ARHGEF7: variants seen among roughly 807,000 people sequenced by gnomAD.
ARHGEF7 encodes the protein PAK-interacting exchange factor beta.
A neutral mutation model predicts 109.8 loss-of-function variants in ARHGEF7; 33 were observed. That is an observed-to-expected ratio of 0.30 (90% CI 0.23 to 0.40). The LOEUF is 0.40. ARHGEF7 is among the 10% of genes least tolerant of loss of function. The probability of loss-of-function intolerance (pLI) is 1.00; values close to 1 mark genes in which losing one functional copy is unlikely to be tolerated. For missense variants in ARHGEF7, 938 were observed against 1,098.5 expected, an observed-to-expected ratio of 0.85 and a Z score of 2.07; for synonymous variants, 458 against 424.6, an observed-to-expected ratio of 1.08 and a Z score of -0.97.
chr13:111,167,911 A>G (rs1054058119), intron 2 of ARHGEF7, among the ~76,000 whole-genome samples: 3 of 152,212 alleles, frequency 2.0e-5, no homozygotes, highest in African/African-American at 7.2e-5. Context: ...CGCTTTCCGG[A>G]GGACAGAACA....
At chr13:111,233,352 C>T (rs2086363543) in intron 6 of ARHGEF7, 59 bp downstream of exon 6, 1 of 1,342,140 alleles carries the variant, frequency 7.5e-7, no homozygotes, top group Admixed American at 1.7e-5. Context: ...TAAAACTCAG[C>T]AATGTAGAAT....
intron 3 of ARHGEF7, among the ~76,000 whole-genome samples, chr13:111,206,543 C>T (rs1219194337): frequency 2.6e-5 from 4 of 151,994 alleles, no homozygotes; most frequent in Admixed American, 1.3e-4. Flanking sequence ...ATGAAAGCAT[C>T]GAGGAAACAA....
chr13:111,151,107 C>T (rs1397279327), intron 1 of ARHGEF7, among the ~76,000 whole-genome samples: 1 of 152,172 alleles, frequency 6.6e-6, no homozygotes, highest in Non-Finnish European at 1.5e-5. Context: ...CATTGGTGCA[C>T]AATAGCAAGG....
At chr13:111,233,565 A>G (rs918923120) in intron 6 of ARHGEF7, among the ~76,000 whole-genome samples, 37 of 152,344 alleles carry the variant, frequency 2.4e-4, no homozygotes, top group African/African-American at 8.2e-4. Context: ...TCCCCATGCC[A>G]TAGCCAGTCT....
chr13:111,286,229 C>T lies in ARHGEF7; in HGVS notation c.2033C>T (p.Ala678Val), dbSNP rs1388441567. 3 of 1,613,572 alleles carry T rather than the reference C, an allele frequency of 1.9e-6. No individual in the cohort carries two copies. The highest frequency in any genetic ancestry group is 2.7e-5 in the African/African-American group (2 of 74,906). Residue 678 changes from alanine (A) to valine (V), a missense_variant, in exon 17 of 22, where the codon GCG (alanine) becomes GTG (valine). Coordinates refer to ENST00000646102, the MANE Select transcript of ARHGEF7 (RefSeq NM_001354046.2). ...CGGAAGCCTTCAGATGAGGAGTTCG[C>T]GTCCCGGAAAAGTGAGTACCTGCGG... is the stretch of plus-strand genomic sequence containing the variant. ...PERKPSDEEFASRKSTAALEE... is the reference protein window; with the variant it reads ...PERKPSDEEFVSRKSTAALEE...
At position 111,153,535 on chromosome 13, in the gene ARHGEF7, G is replaced by A. The variant is rs1363676297; in HGVS notation, c.166-370G>A. 1.6e-5 allele frequency: 13 copies of A among 808,554 alleles called. No individual in the cohort carries two copies. The Admixed American group carries it at 4.2e-4, about 26-fold the overall frequency. The allele number at this position is 808,554 out of a possible 1,614,324, so 50.1% of individuals were successfully genotyped here. Reference sequence around the variant, plus strand: ...GACCGAGGCCCAGCACTGGGCCAGAGGAGGTGGCAGCTCGCCGGCAAAGCA... The same window carrying A: ...GACCGAGGCCCAGCACTGGGCCAGAAGAGGTGGCAGCTCGCCGGCAAAGCA... On this transcript the variant is annotated intron_variant, in intron 1 of 21. Coordinates refer to ENST00000646102, the MANE Select transcript of ARHGEF7 (RefSeq NM_001354046.2).
intron 15 of ARHGEF7, 93 bp downstream of exon 15, chr13:111,280,770 T>C: frequency 1.5e-6 from 2 of 1,353,736 alleles, no homozygotes; most frequent in Non-Finnish European, 2.0e-6. Flanking sequence ...TAAAACCTAA[T>C]CAATATTTGG....
At chr13:111,231,203 A>G (rs2086001730) in intron 5 of ARHGEF7, among the ~76,000 whole-genome samples, 1 of 152,210 alleles carries the variant, frequency 6.6e-6, no homozygotes, top group Non-Finnish European at 1.5e-5. Flanking sequence ...CAAAGATGAA[A>G]AAGTGTTGTT....
chr13:111,274,771 C>A lies in ARHGEF7; in HGVS notation c.1253C>A (p.Ala418Asp). The change falls in exon 11 of 22, where the codon GCT becomes GAT. Residue 418 changes from alanine to aspartate, a missense_variant. Transcript: ENST00000646102. Reference sequence around the variant, plus strand: ...AGACAAGATATTCAAAAATCCATGGCTGCCTTCAAAAACCTTTCAGTAAGT... The same window carrying A: ...AGACAAGATATTCAAAAATCCATGGATGCCTTCAAAAACCTTTCAGTAAGT... The part of the protein sequence containing the change: ...TDRQDIQKSM[A>D]AFKNLSAQCQ... The A allele has an allele frequency of 1.3e-6, 2 of 1,497,118 alleles. No individual in the cohort carries two copies. The highest frequency in any genetic ancestry group is 1.8e-6 in the Non-Finnish European group (2 of 1,122,134). The allele number at this position is 1,497,118 out of a possible 1,614,324, so 92.7% of individuals were successfully genotyped here. A position where few individuals can be genotyped will look rare whatever the true frequency, so the allele number is the denominator to read the frequency against.
At chr13:111,251,269 T>C (rs906962940) in intron 8 of ARHGEF7, among the ~76,000 whole-genome samples, 1 of 152,162 alleles carries the variant, frequency 6.6e-6, no homozygotes, top group African/African-American at 2.4e-5. Flanking sequence ...TTATCTGATA[T>C]CACAGGAGAG....
At chr13:111,267,521 AT>A in intron 8 of ARHGEF7, 26 bp from the exon 9 acceptor site, 1 of 1,612,800 alleles carries the variant, frequency 6.2e-7, no homozygotes, top group Non-Finnish European at 8.5e-7. Context: ...ACTGATGACT[AT>A]TTCCCTTTGT....
At chr13:111,200,352 G>A (rs1357596953) in intron 2 of ARHGEF7, among the ~76,000 whole-genome samples, 2 of 151,890 alleles carry the variant, frequency 1.3e-5, no homozygotes, top group East Asian at 1.9e-4. Context: ...TTATTGTCCT[G>A]TAGCCAGCTG....
intron 1 of ARHGEF7, among the ~76,000 whole-genome samples, chr13:111,124,692 C>T (rs1359429799): frequency 1.3e-5 from 2 of 152,182 alleles, no homozygotes; most frequent in Non-Finnish European, 2.9e-5. Context: ...TGCTGAAGCC[C>T]CACCCATCCT....
chr13:111,261,496 A>G (rs146682861), intron 8 of ARHGEF7, among the ~76,000 whole-genome samples: 1 of 152,340 alleles, frequency 6.6e-6, no homozygotes, highest in Non-Finnish European at 1.5e-5. Context: ...ATAAACCCCA[A>G]TACAATAATA....
rs1276524642 is a variant in ARHGEF7 at position 111,233,201 on chromosome 13, T to A, written c.671-4T>A. The A allele has an allele frequency of 6.2e-7, 1 of 1,612,720 alleles. No individual in the cohort carries two copies. The highest frequency in any genetic ancestry group is 8.5e-7 in the Non-Finnish European group (1 of 1,178,704). On this transcript the variant is annotated splice_polypyrimidine_tract_variant and splice_region_variant and intron_variant, in intron 5 of 21. Coordinates refer to ENST00000646102, the MANE Select transcript of ARHGEF7 (RefSeq NM_001354046.2). ...AGTAAAACTATGTTACATTTTCATT[T>A]CAGAGAAGCCTGTGTCTCCCAAATC... is the stretch of plus-strand genomic sequence containing the variant.
chr13:111,196,161 G>T (rs2080474992), intron 2 of ARHGEF7, among the ~76,000 whole-genome samples: 1 of 152,208 alleles, frequency 6.6e-6, no homozygotes, highest in Non-Finnish European at 1.5e-5. Context: ...AGTTATGCTA[G>T]ACATCATTGA....
In ARHGEF7 at chr13:111,283,383, C is replaced by G. The variant is rs933618757; in HGVS notation, c.1950+20C>G. On this transcript the variant is annotated intron_variant, in intron 16 of 21. Transcript: ENST00000646102. ...AAGGAGGTGAGGTCCCTTGACCACT[C>G]AAACAGCCAGATGACGGTGAGCATG... is the stretch of plus-strand genomic sequence containing the variant. 43 of 1,537,898 alleles carry G rather than the reference C, an allele frequency of 2.8e-5. No individual in the cohort carries two copies. Among genetic ancestry groups the G allele is most frequent in the Middle Eastern group, 1.7e-4 (1 of 5,824 alleles).
rs199584972 is a variant in ARHGEF7 at position 111,267,578 on chromosome 13, C to T, written c.981C>T (p.Gly327=). 8.1e-6 allele frequency: 13 copies of T among 1,614,120 alleles called. No homozygotes were observed. The East Asian group carries it at 2.5e-4, about 30-fold the overall frequency. ...KLPEAQQRVG[G]CFLNLMPQMK... is the part of the protein sequence containing the mutation. ...CCGAAGCTCAGCAGAGAGTCGGAGG[C>T]TGCTTTTTAAACCTGATGCCACAGA... The change falls in exon 9 of 22, where the codon GGC becomes GGT. Residue 327 remains glycine, a synonymous_variant. Transcript: ENST00000646102.
At chr13:111,212,933 C>T (rs1435585886) in intron 4 of ARHGEF7, among the ~76,000 whole-genome samples, 1 of 152,092 alleles carries the variant, frequency 6.6e-6, no homozygotes, top group African/African-American at 2.4e-5. Flanking sequence ...CATGAGGAAA[C>T]TGAAGCTTAG....
Sources: gnomAD v4.1 joint callset for allele counts (sites outside exome capture counted in the v4.1 genomes callset) on GRCh38, gnomAD v4.1.1 for gene constraint, MANE v1.5 for transcripts, NCBI Gene and HGNC (gene_info 2026-07-23, HGNC 2026-07-21) for gene names.